The following CLEC12A variants were observed in gnomAD, a reference collection of about 807,000 sequenced individuals.
CLEC12A encodes the protein C-type lectin protein CLL-1.
CLEC12A carries 22 observed loss-of-function variants against 26.5 expected under a neutral mutation model. That is an observed-to-expected ratio of 0.83 (90% confidence interval 0.59 to 1.19). The LOEUF is 1.19. CLEC12A is among the 50% of genes most tolerant of loss of function. The probability of loss-of-function intolerance (pLI) is 0.00; values close to 1 mark genes in which losing one functional copy is unlikely to be tolerated. For synonymous variants in CLEC12A, 119 were observed against 101.9 expected (o/e 1.17, Z -1.01); for missense variants, 353 against 315.6 (o/e 1.12, Z -0.90).
At chr12:9,968,577 T>C (rs112850370), upstream of CLEC12A, among the ~76,000 whole-genome samples, 1,210 of 152,214 alleles carry the variant, frequency 7.9e-3, 15 homozygotes, top group African/African-American at 0.028. Flanking sequence ...TTCACTTCTT[T>C]TGTGGTGGAA....
intron 1 of CLEC12A, among the ~76,000 whole-genome samples, chr12:9,972,269 T>A (rs1489199018): frequency 6.6e-6 from 1 of 152,122 alleles, no homozygotes; most frequent in Non-Finnish European, 1.5e-5. Context: ...TAAAGAAATA[T>A]CAGAAGACAT....
At chr12:9,962,282 T>C (rs1308336110) in intron 1 of CLEC12A, among the ~76,000 whole-genome samples, 2 of 144,268 alleles carry the variant, frequency 1.4e-5, no homozygotes, top group Non-Finnish European at 3.0e-5. Flanking sequence ...GGATCCCAAG[T>C]GTGTGTTTCT....
intron 4 of CLEC12A, chr12:9,992,640 G>T (rs1336362209): frequency 6.6e-6 from 1 of 152,274 alleles, no homozygotes; most frequent in Admixed American, 6.5e-5. Flanking sequence ...GAAAAGGGAA[G>T]TTAAAGAGGT....
chr12:9,956,427 C>T (rs1029755050), intron 1 of CLEC12A, among the ~76,000 whole-genome samples: 1 of 152,120 alleles, frequency 6.6e-6, no homozygotes, highest in Non-Finnish European at 1.5e-5. Context: ...AAATCCTGGG[C>T]TGTCTATCAG....
At chr12:9,951,283 G>A, upstream of CLEC12A, 1 of 702,532 alleles carries the variant, frequency 1.4e-6, no homozygotes, top group African/African-American at 1.7e-5. Context: ...TAGCATTGCT[G>A]CTGCCAGCCC....
intron 1 of CLEC12A, among the ~76,000 whole-genome samples, chr12:9,965,615 G>C (rs1863920700): frequency 6.6e-6 from 1 of 152,036 alleles, no homozygotes; most frequent in African/African-American, 2.4e-5. Context: ...AGAGTATATG[G>C]ATTTGGCACC....
At chr12:9,997,674 A>G (rs1865086303), downstream of CLEC12A, among the ~76,000 whole-genome samples, 1 of 152,202 alleles carries the variant, frequency 6.6e-6, no homozygotes, top group Non-Finnish European at 1.5e-5. Context: ...ATTTCTTGTT[A>G]TGCTTAAAGT....
chr12:9,984,945 C>T lies in CLEC12A; in HGVS notation c.717C>T (p.His239=). 5 of 1,576,562 alleles carry T rather than the reference C, an allele frequency of 3.2e-6. No homozygotes were observed. The highest frequency in any genetic ancestry group is 4.3e-6 in the Non-Finnish European group (5 of 1,157,956). Residue 239 remains histidine, a synonymous_variant, in exon 6 of 6, where the codon CAC becomes CAT. Coordinates refer to ENST00000304361, the MANE Select transcript of CLEC12A (RefSeq NM_138337.6). ...ATAGACTATATGTTCAATATTATCA[C>T]TGCACTTATAAAAAAAGAATGATAT... ...YINRLYVQYY[H]CTYKKRMICE...
At chr12:9,991,589 A>G (rs1864894122) in intron 4 of CLEC12A, 1 of 152,106 alleles carries the variant, frequency 6.6e-6, no homozygotes, top group African/African-American at 2.4e-5. Context: ...TAACAAGTAA[A>G]ATTTGAGGTA....
At chr12:9,972,250 GAA>G (rs1864159980) in intron 1 of CLEC12A, among the ~76,000 whole-genome samples, 1 of 152,000 alleles carries the variant, frequency 6.6e-6, no homozygotes, top group African/African-American at 2.4e-5. Context: ...AATAAAGGAA[GAA>G]AAGAGGTAAA....
Position 9,982,053 on chromosome 12 carries a change from TATTGGCTGGGATTATCTCCTGAAGAAG to T in CLEC12A, c.569_595del (p.Trp190_Asp198del). ...AAAATCCCAGAGTAGATCATATGACTATTGGCTGGGATTATCTCCTGAAGAAGATTCCACTCGTGGTATGAGAGTGGA... is the reference window on the plus strand; with the variant it reads ...AAAATCCCAGAGTAGATCATATGACTATTCCACTCGTGGTATGAGAGTGGA... On this transcript the variant is annotated inframe_deletion, in exon 5 of 6. Transcript: ENST00000304361. 6.3e-7 allele frequency: 1 copy of T among 1,595,752 alleles called. No homozygotes were observed. Among genetic ancestry groups the T allele is most frequent in the Non-Finnish European group, 8.6e-7 (1 of 1,164,196 alleles).
downstream of CLEC12A, among the ~76,000 whole-genome samples, chr12:9,988,943 G>C (rs1372952869): frequency 3.3e-5 from 5 of 152,134 alleles, no homozygotes; most frequent in Admixed American, 1.3e-4. Flanking sequence ...ATTCACAATA[G>C]CAAAGACTTG....
chr12:9,954,403 G>C (rs893292175), intron 1 of CLEC12A, among the ~76,000 whole-genome samples: 3 of 151,986 alleles, frequency 2.0e-5, no homozygotes, highest in Admixed American at 1.3e-4. Context: ...GCTGAGGTGG[G>C]AGGATTACCT....
chr12:10,000,183 C>A (rs747227920), downstream of CLEC12A, among the ~76,000 whole-genome samples: 1 of 152,124 alleles, frequency 6.6e-6, no homozygotes, highest in Non-Finnish European at 1.5e-5. Flanking sequence ...AATTTGAATT[C>A]TATTTTTCTT....
chr12:9,990,612 C>CTG (rs1424665597), intron 4 of CLEC12A, among the ~76,000 whole-genome samples: 1 of 152,154 alleles, frequency 6.6e-6, no homozygotes, highest in East Asian at 1.9e-4. Context: ...GGTGAACATG[C>CTG]TGTGAACATT....
downstream of CLEC12A, chr12:9,985,996 G>T: frequency 8.7e-6 from 2 of 229,846 alleles, no homozygotes; most frequent in Non-Finnish European, 1.9e-5. Flanking sequence ...ACAATCTTCT[G>T]CCCCCTCCTC....
downstream of CLEC12A, among the ~76,000 whole-genome samples, chr12:9,989,244 A>G (rs1864839292): frequency 6.6e-6 from 1 of 151,856 alleles, no homozygotes; most frequent in South Asian, 2.1e-4. Context: ...GGATAGCATT[A>G]GGAGATACAC....
chr12:9,994,308 A>T (rs1266314012), intron 4 of CLEC12A, among the ~76,000 whole-genome samples: 1 of 152,188 alleles, frequency 6.6e-6, no homozygotes, highest in Admixed American at 6.6e-5. Flanking sequence ...GGCAGCAAGC[A>T]ATAGGAGATA....
chr12:9,977,328 C>A (rs1442758113), intron 1 of CLEC12A, among the ~76,000 whole-genome samples: 3 of 152,088 alleles, frequency 2.0e-5, no homozygotes, highest in African/African-American at 7.2e-5. Flanking sequence ...TGTTATTTTG[C>A]CCTCCTAGAT....
Sources: gnomAD v4.1 joint callset for allele counts (sites outside exome capture counted in the v4.1 genomes callset) on GRCh38, gnomAD v4.1.1 for gene constraint, MANE v1.5 for transcripts, NCBI Gene and HGNC (gene_info 2026-07-23, HGNC 2026-07-21) for gene names.